Variants in DMXL1 observed in about 807,000 individuals in gnomAD.
DMXL1 encodes dmX-like protein 1.
A neutral mutation model predicts 319.2 loss-of-function variants in DMXL1; 99 were observed. The observed-to-expected ratio is 0.31, with a 90% CI of 0.26 to 0.37. The LOEUF (loss-of-function observed/expected upper bound fraction) is 0.37. Ranked by LOEUF, DMXL1 falls within the 10% of genes least tolerant of loss-of-function variation. The pLI, the probability that DMXL1 is intolerant of heterozygous loss-of-function variation, is 1.00. For synonymous variants in DMXL1, 1,385 were observed against 1,235.2 expected (o/e 1.12, Z -2.54); for missense variants, 3,745 against 3,595.6 (o/e 1.04, Z -1.06).
Position 119,118,952 on chromosome 5 carries a change from A to G in DMXL1, c.881A>G (p.Asn294Ser), listed in dbSNP as rs1459069526. The G allele has an allele frequency of 5.6e-6, 9 of 1,613,582 alleles. No individual in the cohort carries two copies. The East Asian group carries it at 6.7e-5, about 12-fold the overall frequency. The change falls in exon 8 of 44, where the codon AAT (asparagine) becomes AGT (serine). Residue 294 changes from asparagine to serine, a missense_variant. Asn to Ser is a conservative substitution (Grantham distance 46). Coordinates refer to ENST00000539542, the MANE Select transcript of DMXL1 (RefSeq NM_001290321.3). ...SHWTESINLT[N>S]NFKRNASSKE... ...TGGACTGAATCAATTAATTTAACAA[A>G]TAACTTCAAGAGAAATGCTTCCAGT...
chr5:119,182,607 CAT>C (rs1776976913), intron 28 of DMXL1, among the ~76,000 whole-genome samples: 3 of 151,420 alleles, frequency 2.0e-5, no homozygotes, highest in African/African-American at 4.9e-5. Flanking sequence ...CTTGTAGTAA[CAT>C]AATATTTAAA....
intron 38 of DMXL1, among the ~76,000 whole-genome samples, chr5:119,232,716 A>G (rs1161289315): frequency 2.0e-5 from 3 of 152,168 alleles, no homozygotes; most frequent in South Asian, 4.1e-4. Context: ...GCACGTGCCT[A>G]TAAATCCCAG....
chr5:119,112,238 G>C (rs1759796499), intron 5 of DMXL1, among the ~76,000 whole-genome samples: 1 of 152,206 alleles, frequency 6.6e-6, no homozygotes. Context: ...TGGGATTACA[G>C]GCATGAGCCA....
intron 8 of DMXL1, 118 bp from the exon 9 acceptor site, chr5:119,120,853 T>C: frequency 5.0e-6 from 4 of 802,972 alleles, no homozygotes; most frequent in Non-Finnish European, 7.2e-6. Context: ...CGTTTTTACA[T>C]ATAAAACATG....
At chr5:119,164,423 A>T in intron 19 of DMXL1, 84 bp from the exon 20 acceptor site, 3 of 1,248,004 alleles carry the variant, frequency 2.4e-6, no homozygotes, top group Non-Finnish European at 2.2e-6. Context: ...ACACATTTAT[A>T]TTGAAAATAT....
chr5:119,149,343 A>G lies in DMXL1; in HGVS notation c.3516A>G (p.Val1172=). The change falls in exon 18 of 44, where the codon GTA becomes GTG. Residue 1172 remains valine (V), a synonymous_variant. Coordinates refer to ENST00000539542, the MANE Select transcript of DMXL1 (RefSeq NM_001290321.3). Reference sequence around the variant, plus strand: ...TGTATGGACCCCTGGCTGGCAAGGTACAAGACCAAACTGGTAAGGAAACCC... The same window carrying G: ...TGTATGGACCCCTGGCTGGCAAGGTGCAAGACCAAACTGGTAAGGAAACCC... The part of the protein sequence containing the change: ...LFMYGPLAGK[V]QDQTGKETLA... 6.2e-7 allele frequency: 1 copy of G among 1,613,952 alleles called. No individual in the cohort carries two copies. The highest frequency in any genetic ancestry group is 8.5e-7 in the Non-Finnish European group (1 of 1,179,870).
At chr5:119,185,186 G>A (rs984292008) in intron 28 of DMXL1, among the ~76,000 whole-genome samples, 2 of 150,416 alleles carry the variant, frequency 1.3e-5, no homozygotes, top group Admixed American at 6.6e-5. Flanking sequence ...TTCTTCCCCT[G>A]TCACTTTCTG....
At chr5:119,107,175 A>G (rs1203048474) in intron 4 of DMXL1, among the ~76,000 whole-genome samples, 3 of 151,868 alleles carry the variant, frequency 2.0e-5, no homozygotes, top group Non-Finnish European at 4.4e-5. Flanking sequence ...CATCTCTACA[A>G]AAAAATTTTT....
Position 119,225,457 on chromosome 5 carries a change from AT to A in DMXL1, c.8338+697del, listed in dbSNP as rs964523585. 2.6e-3 allele frequency among the ~76,000 whole-genome samples: 389 copies of A among 151,150 alleles called. 6 individuals carry two copies. Among genetic ancestry groups the A allele is most frequent in the Non-Finnish European group, 1.0e-3 (68 of 67,594 alleles). ...GTGTGAGTATTCCAAGTTTTTTAAT[AT>A]TTTTTTTTAAGTTATGCCCTTCGTC... On this transcript the variant is annotated intron_variant, in intron 38 of 43. Coordinates refer to ENST00000539542, the MANE Select transcript of DMXL1 (RefSeq NM_001290321.3).
At chr5:119,090,772 G>C (rs2149741981) in intron 1 of DMXL1, among the ~76,000 whole-genome samples, 1 of 151,512 alleles carries the variant, frequency 6.6e-6, no homozygotes, top group Admixed American at 6.6e-5. Context: ...TCACCATGTT[G>C]GCCAGGGTGG....
At chr5:119,099,746 A>G (rs1432402281) in intron 2 of DMXL1, among the ~76,000 whole-genome samples, 1 of 152,182 alleles carries the variant, frequency 6.6e-6, no homozygotes, top group African/African-American at 2.4e-5. Context: ...TCATGCCTGT[A>G]ATCCCAGAGC....
In DMXL1 at chr5:119,203,339, T is replaced by C. The variant is rs758268505; in HGVS notation, c.7766T>C (p.Leu2589Pro). Residue 2589 changes from leucine (L) to proline (P), a missense_variant, in exon 33 of 44, where the codon CTG becomes CCG. By Grantham distance (98) the Leu-to-Pro change is moderately conservative. Transcript: ENST00000539542. Reference sequence around the variant, plus strand: ...TGTAGATCCAAACACCATCTGGCACTGTCTGTGAAGAGGCTTTGGCAGTAT... The same window carrying C: ...TGTAGATCCAAACACCATCTGGCACCGTCTGTGAAGAGGCTTTGGCAGTAT... ...TPFKSKHHLA[L>P]SVKRLWQYLV... The C allele has an allele frequency of 1.3e-6, 2 of 1,596,330 alleles. No homozygotes were observed. The highest frequency in any genetic ancestry group is 4.5e-5 in the East Asian group (2 of 44,358).
At chr5:119,108,982 G>A (rs918902754) in intron 4 of DMXL1, among the ~76,000 whole-genome samples, 14 of 151,812 alleles carry the variant, frequency 9.2e-5, no homozygotes, top group African/African-American at 3.1e-4. Context: ...TGTATTTTTA[G>A]TAGAGATGGG....
chr5:119,124,317 CAAAA>C (rs527305652), intron 9 of DMXL1, among the ~76,000 whole-genome samples: 5 of 92,332 alleles, frequency 5.4e-5, no homozygotes, highest in Admixed American at 1.2e-4. Context: ...GACTCCATCT[CAAAA>C]AAAAAAAAAA....
In DMXL1 at chr5:119,221,037, A is replaced by C. The variant is rs756021355; in HGVS notation, c.8233A>C (p.Met2745Leu). 6.2e-7 allele frequency: 1 copy of C among 1,613,726 alleles called. No homozygotes were observed. The highest frequency in any genetic ancestry group is 1.3e-5 in the African/African-American group (1 of 74,932). The change falls in exon 37 of 44, where the codon ATG becomes CTG. Residue 2745 changes from methionine to leucine, a missense_variant. Coordinates refer to ENST00000539542, the MANE Select transcript of DMXL1 (RefSeq NM_001290321.3). ...TAGCAATCCTGGCACTCCAATCAAC[A>C]TGCCATGGCTTGGTAGTACACAGAC... ...THSNPGTPINMPWLGSTQTGR... is the reference protein window; with the variant it reads ...THSNPGTPINLPWLGSTQTGR...
At position 119,234,078 on chromosome 5, in the gene DMXL1, A is replaced by G. The variant is rs141784843; in HGVS notation, c.8466+611A>G. 3.3e-5 allele frequency among the ~76,000 whole-genome samples: 5 copies of G among 152,262 alleles called. No individual in the cohort carries two copies. The East Asian group carries it at 9.6e-4, about 29-fold the overall frequency. ...GACCTTATAGCTGGCAAAATAAAAT[A>G]TTTATTATGTGGCCACCTAAGAAAA... On this transcript the variant is annotated intron_variant, in intron 39 of 43. Coordinates refer to ENST00000539542, the MANE Select transcript of DMXL1 (RefSeq NM_001290321.3).
At position 119,148,987 on chromosome 5, in the gene DMXL1, A is replaced by G. The variant is rs757867713; in HGVS notation, c.3160A>G (p.Thr1054Ala). 1 of 1,613,964 alleles carries G rather than the reference A, an allele frequency of 6.2e-7. No individual in the cohort carries two copies. The highest frequency in any genetic ancestry group is 8.5e-7 in the Non-Finnish European group (1 of 1,179,870). ...GRPVEVSCAH[T>A]NRLAVAYKQP... Reference sequence around the variant, plus strand: ...GCCTGTAGAAGTTAGCTGTGCACATACAAATCGTTTAGCAGTAGCTTATAA... The same window carrying G: ...GCCTGTAGAAGTTAGCTGTGCACATGCAAATCGTTTAGCAGTAGCTTATAA... Residue 1054 changes from threonine (T) to alanine (A), a missense_variant, in exon 18 of 44, where the codon ACA becomes GCA. Thr to Ala is a moderately conservative substitution (Grantham distance 58). Around this residue, in one of 4 missense-constraint regions of DMXL1, gnomAD observed 2,096 missense variants for 1,985.4 expected, o/e 1.06. Coordinates refer to ENST00000539542, the MANE Select transcript of DMXL1 (RefSeq NM_001290321.3).
chr5:119,244,256 G>A, intron 42 of DMXL1, 103 bp from the exon 43 acceptor site: 1 of 806,480 alleles, frequency 1.2e-6, no homozygotes, highest in Non-Finnish European at 2.0e-6. Context: ...AATTGTTTCA[G>A]GCAGGATTGC....
At chr5:119,172,010 A>T in intron 25 of DMXL1, 41 bp downstream of exon 25, 2 of 1,506,558 alleles carry the variant, frequency 1.3e-6, no homozygotes, top group Non-Finnish European at 1.8e-6. Context: ...CATCTGTACA[A>T]TGATAAAACT....
Sources: allele counts gnomAD v4.1 joint callset (sites outside exome capture counted in the v4.1 genomes callset), GRCh38; gene constraint gnomAD v4.1.1; regional missense constraint gnomAD v4.1.1; transcripts MANE v1.5; gene names NCBI Gene and HGNC (gene_info 2026-07-23, HGNC 2026-07-21).